Variants in USP9X observed in about 807,000 individuals in gnomAD.
USP9X encodes the protein ubiquitin carboxyl-terminal hydrolase 9X.
In USP9X, 7 loss-of-function variants were observed where a neutral mutation model predicts 190.3. The observed-to-expected ratio is 0.04, with a 90% CI of 0.02 to 0.07. The LOEUF is 0.07. Among genes scored for constraint, USP9X ranks in the 10% least tolerant of loss-of-function variants. The pLI is 1.00. For missense variants in USP9X, 1,010 were observed against 1,916.9 expected, an observed-to-expected ratio of 0.53 and a Z score of 8.83; for synonymous variants, 645 against 659.5, an observed-to-expected ratio of 0.98 and a Z score of 0.34.
intron 20 of USP9X, 65 bp from the exon 21 acceptor site, chrX:41,171,773 T>C: frequency 8.7e-7 from 1 of 1,146,879 alleles, no homozygotes; most frequent in East Asian, 3.0e-5. Context: ...AGAAACTTAC[T>C]TGGGCTTTTA....
At position 41,234,377 on chromosome X, in the gene USP9X, T is replaced by C. The variant is rs1389944387; in HGVS notation, c.*1853T>C. On this transcript the variant is annotated 3_prime_UTR_variant, in exon 45 of 45. Transcript: ENST00000378308. Reference sequence around the variant, plus strand: ...AACAAAGCAGAAACAAAATTGAGCATTGCATTATTTTGTGATTAAAAGGGG... The same window carrying C: ...AACAAAGCAGAAACAAAATTGAGCACTGCATTATTTTGTGATTAAAAGGGG... The C allele has an allele frequency of 8.9e-6, 1 of 111,955 alleles. No individual in the cohort carries two copies. Among genetic ancestry groups the C allele is most frequent in the Non-Finnish European group, 1.9e-5 (1 of 53,208 alleles). 9.2% of individuals were successfully genotyped at this position (111,955 alleles called of 1,213,427 possible).
intron 34 of USP9X, among the ~76,000 whole-genome samples, chrX:41,215,352 A>G (rs753539852): frequency 8.9e-6 from 1 of 112,753 alleles, no homozygotes; most frequent in African/African-American, 3.2e-5. Context: ...CACCACTTAG[A>G]GAAGTCCTGA....
At position 41,131,453 on chromosome X, in the gene USP9X, T is replaced by G. The variant is rs1213956343; in HGVS notation, c.243-4T>G. 2.5e-6 allele frequency: 3 copies of G among 1,208,094 alleles called. No homozygotes were observed. Among genetic ancestry groups the G allele is most frequent in the Non-Finnish European group, 3.4e-6 (3 of 893,353 alleles). ...AGCATGTTTTTGTTTGGTAAAACTT[T>G]TAGGCCTCGATGGGTGGTTCCAGTT... On this transcript the variant is annotated splice_polypyrimidine_tract_variant and splice_region_variant and intron_variant, in intron 3 of 44. Transcript: ENST00000378308.
At chrX:41,127,335 GACTTATGTATAATTCCAGTTTTATT>G (rs888047516) in intron 2 of USP9X, among the ~76,000 whole-genome samples, 1 of 111,581 alleles carries the variant, frequency 9.0e-6, no homozygotes, top group Admixed American at 9.5e-5. Flanking sequence ...AAAGGACAGA[GACTTATGTATAATTCCAGTTTTATT>G]GAACATATAT....
At chrX:41,157,175 C>A (rs1235496679) in intron 14 of USP9X, among the ~76,000 whole-genome samples, 1 of 111,437 alleles carries the variant, frequency 9.0e-6, no homozygotes, top group Non-Finnish European at 1.9e-5. Context: ...AATAAGCTAC[C>A]CCGACTCAGG....
Position 41,124,220 on chromosome X carries a change from C to T in USP9X, c.96+496C>T, listed in dbSNP as rs758274265. Among the ~76,000 whole-genome samples the T allele has an allele frequency of 2.1e-4, 23 of 110,785 alleles. No individual in the cohort carries two copies. In the East Asian group the frequency reaches 3.7e-3, roughly 18 times the overall value. Reference sequence around the variant, plus strand: ...CAGCACTTTGGGAGGCTGAGGCAGGCGGATCACAAGGTAAGGAGTTCGAGA... The same window carrying T: ...CAGCACTTTGGGAGGCTGAGGCAGGTGGATCACAAGGTAAGGAGTTCGAGA... On this transcript the variant is annotated intron_variant, in intron 2 of 44. Transcript: ENST00000378308.
intron 38 of USP9X, among the ~76,000 whole-genome samples, chrX:41,220,241 A>G (rs769394743): frequency 8.9e-6 from 1 of 112,180 alleles, no homozygotes; most frequent in Non-Finnish European, 1.9e-5. Flanking sequence ...GCATAAGTGG[A>G]ATCTGTATTT....
rs746284610 is a variant in USP9X, at chrX:41,164,085, A to T, written c.1985+1208A>T. On this transcript the variant is annotated intron_variant, in intron 15 of 44. Transcript: ENST00000378308. ...ACGGGGTTTCACCATGTTGGCCAGG[A>T]TGGTCTCTATCTCTTGACCTCGTGA... Among the ~76,000 whole-genome samples the T allele has an allele frequency of 4.5e-5, 5 of 110,850 alleles. No individual in the cohort carries two copies. In the South Asian group the frequency reaches 1.9e-3, roughly 42 times the overall value.
intron 2 of USP9X, among the ~76,000 whole-genome samples, chrX:41,123,990 C>T (rs764284970): frequency 9.0e-6 from 1 of 110,735 alleles, no homozygotes; most frequent in East Asian, 2.8e-4. Flanking sequence ...TTGCAGTGAG[C>T]TGAGATGGCG....
At chrX:41,210,377 T>C in intron 32 of USP9X, 132 bp from the exon 33 acceptor site, 1 of 627,929 alleles carries the variant, frequency 1.6e-6, no homozygotes. Flanking sequence ...TCCATGTAAT[T>C]GAGGAATAAA....
intron 1 of USP9X, among the ~76,000 whole-genome samples, chrX:41,119,265 C>T (rs2146976040): frequency 9.0e-6 from 1 of 111,161 alleles, no homozygotes; most frequent in African/African-American, 3.3e-5. Flanking sequence ...GTAATCCTAG[C>T]ACTTTGGGAG....
chrX:41,165,020 T>A (rs1468133556), intron 15 of USP9X, among the ~76,000 whole-genome samples: 2 of 112,098 alleles, frequency 1.8e-5, no homozygotes, highest in Non-Finnish European at 3.8e-5. Context: ...CTATGCCATC[T>A]TTAGAAAAAA....
intron 1 of USP9X, among the ~76,000 whole-genome samples, chrX:41,106,712 G>A (rs1724019745): frequency 9.4e-6 from 1 of 106,802 alleles, no homozygotes. Flanking sequence ...TGTATTTTTA[G>A]TAGAGATGGG....
In USP9X at chrX:41,184,378, C is replaced by T. The variant is rs1050515541; in HGVS notation, c.3280-19C>T. The T allele has an allele frequency of 1.7e-6, 2 of 1,200,824 alleles. No homozygotes were observed. The highest frequency in any genetic ancestry group is 1.8e-5 in the South Asian group (1 of 55,731). ...AATCTTTTAATACAGCCCTCTCCCC[C>T]TCTTCTCTATTTTTCCAGGTAGTCT... On this transcript the variant is annotated intron_variant, in intron 22 of 44. Transcript: ENST00000378308.
chrX:41,179,046 G>A (rs1295015194), intron 21 of USP9X, among the ~76,000 whole-genome samples: 1 of 111,441 alleles, frequency 9.0e-6, no homozygotes, highest in African/African-American at 3.3e-5. Flanking sequence ...TTATTTCTGG[G>A]TTCTCTATTC....
chrX:41,219,311 A>G (rs2063239873), intron 38 of USP9X, 80 bp downstream of exon 38: 1 of 999,571 alleles, frequency 1.0e-6, no homozygotes, highest in Non-Finnish European at 1.4e-6. Context: ...GTGATGAAAT[A>G]TAATCTGATC....
In USP9X at chrX:41,167,498, A is replaced by T; in HGVS notation, c.2345A>T (p.Asn782Ile). 8.3e-7 allele frequency: 1 copy of T among 1,206,584 alleles called. No individual in the cohort carries two copies. The highest frequency in any genetic ancestry group is 1.1e-6 in the Non-Finnish European group (1 of 892,100). ...TGAAACCAGGTCGTGATTCAGAGTA[A>T]TGATGATATTGCCAGCAGAGCTATA... is the stretch of plus-strand genomic sequence containing the variant. ...DYLWRVVIQSNDDIASRAIDL... is the reference protein window; with the variant it reads ...DYLWRVVIQSIDDIASRAIDL... Residue 782 changes from asparagine to isoleucine, a missense_variant, in exon 17 of 45, where the codon AAT (asparagine) becomes ATT (isoleucine). Physicochemically the swap from Asn to Ile is moderately radical, Grantham distance 149. Coordinates refer to ENST00000378308, the MANE Select transcript of USP9X (RefSeq NM_001039591.3).
intron 1 of USP9X, among the ~76,000 whole-genome samples, chrX:41,107,920 G>A (rs1308447591): frequency 8.9e-6 from 1 of 111,950 alleles, no homozygotes; most frequent in Admixed American, 9.5e-5. Context: ...GTTTCCTTTA[G>A]TTCATTGAAC....
intron 21 of USP9X, among the ~76,000 whole-genome samples, chrX:41,175,772 T>TATACACACACAC (rs1555926025): frequency 4.0e-4 from 44 of 110,166 alleles, no homozygotes; most frequent in African/African-American, 9.3e-4. Context: ...ACTATATATA[T>TATACACACACAC]ACACACACAC....
Sources: gnomAD v4.1 joint callset for allele counts (sites outside exome capture counted in the v4.1 genomes callset) on GRCh38, gnomAD v4.1.1 for gene constraint, MANE v1.5 for transcripts, NCBI Gene and HGNC (gene_info 2026-07-23, HGNC 2026-07-21) for gene names.